Variants in ABLIM1 observed in about 807,000 individuals in gnomAD.
The protein encoded by ABLIM1 is actin binding LIM protein 1.
Under a neutral mutation model 107.0 loss-of-function variants are expected in ABLIM1, and 40 were observed. The ratio of observed to expected loss-of-function variants is 0.37; its 90% CI spans 0.29 to 0.49. ABLIM1 has a LOEUF of 0.49. ABLIM1 is among the 20% of genes least tolerant of loss of function. ABLIM1 has a pLI of 0.97. For synonymous variants in ABLIM1, 357 were observed against 357.3 expected, an observed-to-expected ratio of 1.00 and a Z score of 0.01; for missense variants, 857 against 1,008.5, an observed-to-expected ratio of 0.85 and a Z score of 2.04.
chr10:114,618,648 A>T (rs1380588770), intron 1 of ABLIM1, among the ~76,000 whole-genome samples: 1 of 152,166 alleles, frequency 6.6e-6, no homozygotes, highest in Non-Finnish European at 1.5e-5. Flanking sequence ...CTCAGATGAG[A>T]ACAGTGCCCT....
intron 1 of ABLIM1, among the ~76,000 whole-genome samples, chr10:114,744,218 C>T (rs575456936): frequency 6.6e-6 from 1 of 152,274 alleles, no homozygotes; most frequent in East Asian, 1.9e-4. Flanking sequence ...AGATTGGATT[C>T]AAGTACAAGG....
intron 6 of ABLIM1, among the ~76,000 whole-genome samples, chr10:114,508,958 AC>A (rs1269801608): frequency 1.3e-5 from 2 of 152,216 alleles, no homozygotes; most frequent in African/African-American, 4.8e-5. Flanking sequence ...ATCTCTCCTC[AC>A]TGGATACTCA....
intron 1 of ABLIM1, among the ~76,000 whole-genome samples, chr10:114,695,373 G>A (rs2081173752): frequency 6.6e-6 from 1 of 152,104 alleles, no homozygotes; most frequent in Non-Finnish European, 1.5e-5. Flanking sequence ...ACCCCCCACT[G>A]GAGTAACCAT....
chr10:114,603,649 AAAGAAG>A (rs200061979), intron 1 of ABLIM1, among the ~76,000 whole-genome samples: 2 of 151,230 alleles, frequency 1.3e-5, no homozygotes, highest in Non-Finnish European at 3.0e-5. Flanking sequence ...AAAAAAAAAA[AAAGAAG>A]AAGAAAAGTT....
chr10:114,586,777 T>A (rs987233301), intron 2 of ABLIM1, among the ~76,000 whole-genome samples: 1 of 152,212 alleles, frequency 6.6e-6, no homozygotes, highest in Non-Finnish European at 1.5e-5. Flanking sequence ...CATGCTATTT[T>A]CCTGACCTAA....
At chr10:114,488,764 C>T (rs1228422048) in intron 7 of ABLIM1, among the ~76,000 whole-genome samples, 1 of 152,142 alleles carries the variant, frequency 6.6e-6, no homozygotes, top group African/African-American at 2.4e-5. Flanking sequence ...AATAGAAGCT[C>T]TTATAAGAAT....
At chr10:114,471,590 C>CA (rs1427780769) in intron 10 of ABLIM1, among the ~76,000 whole-genome samples, 1 of 152,120 alleles carries the variant, frequency 6.6e-6, no homozygotes, top group Non-Finnish European at 1.5e-5. Flanking sequence ...CTTCCTGCCA[C>CA]AGGGACCTTT....
At chr10:114,746,485 C>T (rs1426385467) in intron 1 of ABLIM1, among the ~76,000 whole-genome samples, 6 of 152,172 alleles carry the variant, frequency 3.9e-5, no homozygotes, top group Non-Finnish European at 8.8e-5. Context: ...TCATCCATCC[C>T]TTGATGAACA....
intron 6 of ABLIM1, among the ~76,000 whole-genome samples, chr10:114,539,046 T>G (rs1316875396): frequency 2.0e-5 from 3 of 152,246 alleles, no homozygotes; most frequent in Non-Finnish European, 4.4e-5. Flanking sequence ...AAGAATAGAT[T>G]CAACCTCTAT....
chr10:114,652,521 T>A (rs2079298250), intron 1 of ABLIM1, among the ~76,000 whole-genome samples: 1 of 152,188 alleles, frequency 6.6e-6, no homozygotes, highest in South Asian at 2.1e-4. Flanking sequence ...CAGAAAGGTC[T>A]CAGCAGGTGC....
intron 1 of ABLIM1, among the ~76,000 whole-genome samples, chr10:114,634,409 G>A (rs1380992295): frequency 2.0e-5 from 3 of 151,908 alleles, no homozygotes; most frequent in Non-Finnish European, 2.9e-5. Flanking sequence ...TGGGATTACA[G>A]GCGTGAGCCA....
Position 114,439,166 on chromosome 10 carries a change from C to G in ABLIM1, c.2142+10G>C. ...TCCCATATGAGAGGAAAAAGAACAGCTGCACTTGCCTTTGGTTCCAACATG... is the reference window on the plus strand; with the variant it reads ...TCCCATATGAGAGGAAAAAGAACAGGTGCACTTGCCTTTGGTTCCAACATG... On this transcript the variant is annotated intron_variant, in intron 21 of 22. Coordinates refer to ENST00000533213, the MANE Select transcript of ABLIM1 (RefSeq NM_002313.7). 1 of 1,614,216 alleles carries G rather than the reference C, an allele frequency of 6.2e-7. No individual in the cohort carries two copies. Among genetic ancestry groups the G allele is most frequent in the African/African-American group, 1.3e-5 (1 of 75,072 alleles).
In ABLIM1 at chr10:114,741,168, A is replaced by G. The variant is rs549560583; in HGVS notation, c.-213+26893T>C. Among the ~76,000 whole-genome samples the G allele has an allele frequency of 5.2e-4, 79 of 150,920 alleles. 3 individuals carry two copies. The South Asian group carries it at 0.016, about 31-fold the overall frequency. On this transcript the variant is annotated intron_variant, in intron 1 of 15. Transcript: ENST00000651092. ...TTACCATAGTGGTATAGTATTTACAAGTCACCCTAAAGATTCTGCTTGATA... is the reference window on the plus strand; with the variant it reads ...TTACCATAGTGGTATAGTATTTACAGGTCACCCTAAAGATTCTGCTTGATA...
chr10:114,492,382 A>AG (rs1023570663), intron 6 of ABLIM1, among the ~76,000 whole-genome samples: 1 of 152,196 alleles, frequency 6.6e-6, no homozygotes, highest in African/African-American at 2.4e-5. Context: ...TTTTATCTCA[A>AG]GGGGGGCCCT....
chr10:114,765,531 C>T (rs953109837), intron 1 of ABLIM1, among the ~76,000 whole-genome samples: 1 of 152,110 alleles, frequency 6.6e-6, no homozygotes, highest in Non-Finnish European at 1.5e-5. Context: ...GTCCTATAAG[C>T]TTATTTCCCC....
rs138333508 is a variant in ABLIM1, at chr10:114,506,854, T to G, written c.895-14976A>C. 1.7e-4 allele frequency among the ~76,000 whole-genome samples: 26 copies of G among 152,332 alleles called. 1 individual carries two copies. In the East Asian group the frequency reaches 3.5e-3, roughly 20 times the overall value. On this transcript the variant is annotated intron_variant, in intron 6 of 22. Coordinates refer to ENST00000533213, the MANE Select transcript of ABLIM1 (RefSeq NM_002313.7). ...GCTCTTTAATTTAATTAAGTCCCAC[T>G]TGTCAATTTCTGGTTTGGCTGCAAT...
At chr10:114,678,746 T>TTGTGTTTATAA (rs2080607086) in intron 1 of ABLIM1, among the ~76,000 whole-genome samples, 1 of 152,254 alleles carries the variant, frequency 6.6e-6, no homozygotes, top group Non-Finnish European at 1.5e-5. Context: ...ATCTTATTCA[T>TTGTGTTTATAA]TGGTTTCATC....
chr10:114,491,008 G>GTATATATATATATA (rs1347498391), intron 7 of ABLIM1, among the ~76,000 whole-genome samples: 1 of 86,516 alleles, frequency 1.2e-5, no homozygotes, highest in Admixed American at 1.3e-4. Context: ...GTGTGTGTGT[G>GTATATATATATATA]TGTGTATATA....
chr10:114,495,703 G>A (rs74851867), intron 6 of ABLIM1, among the ~76,000 whole-genome samples: 2 of 152,200 alleles, frequency 1.3e-5, no homozygotes, highest in African/African-American at 2.4e-5. Flanking sequence ...ACTCTTTTAC[G>A]TACTCCATAA....
Sources: allele counts gnomAD v4.1 joint callset (sites outside exome capture counted in the v4.1 genomes callset), GRCh38; gene constraint gnomAD v4.1.1; transcripts MANE v1.5; gene names NCBI Gene and HGNC (gene_info 2026-07-23, HGNC 2026-07-21).